AURKA: variants seen among roughly 807,000 people sequenced by gnomAD.
The protein encoded by AURKA is aurora 2.
AURKA carries 12 observed loss-of-function variants against 40.9 expected under a neutral mutation model. That is an observed-to-expected ratio of 0.29 (90% CI 0.19 to 0.48). AURKA has a LOEUF of 0.48. Ranked by LOEUF, AURKA falls within the 20% of genes least tolerant of loss-of-function variation. The probability of loss-of-function intolerance (pLI) is 0.99; values close to 1 mark genes in which losing one functional copy is unlikely to be tolerated. For missense variants in AURKA, 322 were observed against 462.1 expected (o/e 0.70, Z 2.78); for synonymous variants, 170 against 164.3 (o/e 1.03, Z -0.26).
In AURKA at chr20:56,369,802, C is replaced by A; in HGVS notation, c.*356G>T. On this transcript the variant is annotated 3_prime_UTR_variant, in exon 9 of 9. Coordinates refer to ENST00000395915, the MANE Select transcript of AURKA (RefSeq NM_198437.3). ...GTTATTGCACAGCTCCTTAACTGAT[C>A]GGGGTCAGGGCAGAGTGGTCACTTT... 1 of 463,772 alleles carries A rather than the reference C, an allele frequency of 2.2e-6. No individual in the cohort carries two copies. Among genetic ancestry groups the A allele is most frequent in the Non-Finnish European group, 4.0e-6 (1 of 250,778 alleles). 28.7% of individuals were successfully genotyped at this position (463,772 alleles called of 1,614,324 possible). A position where few individuals can be genotyped will look rare whatever the true frequency, so the allele number is the denominator to read the frequency against.
intron 6 of AURKA, among the ~76,000 whole-genome samples, chr20:56,378,702 A>G (rs1185395025): frequency 2.0e-5 from 3 of 152,194 alleles, no homozygotes; most frequent in Non-Finnish European, 2.9e-5. Flanking sequence ...TTTGTGATAA[A>G]CAGAAATGAA....
chr20:56,388,201 G>T lies in AURKA; in HGVS notation c.-4C>A, dbSNP rs776371411. The T allele has an allele frequency of 9.6e-7, 1 of 1,039,132 alleles. No individual in the cohort carries two copies. Among genetic ancestry groups the T allele is most frequent in the African/African-American group, 4.2e-5 (1 of 23,940 alleles). The allele number at this position is 1,039,132 out of a possible 1,614,324, so 64.4% of individuals were successfully genotyped here. ...AGTTTTCTTTAGATCGGTCCATGAT[G>T]CCTGAAAAGAAAAAGAAGAACCTTT... On this transcript the variant is annotated splice_region_variant and 5_prime_UTR_variant, in exon 2 of 9. Coordinates refer to ENST00000395915, the MANE Select transcript of AURKA (RefSeq NM_198437.3).
At chr20:56,388,517 A>G (rs111490777) in intron 1 of AURKA, 20,875 of 392,380 alleles carry the variant, frequency 0.053, 746 homozygotes, top group Non-Finnish European at 0.072. Context: ...CTACCTTAAA[A>G]AAGTCCTCTT....
chr20:56,377,383 T>A (rs1270006918), intron 6 of AURKA, among the ~76,000 whole-genome samples: 4 of 151,784 alleles, frequency 2.6e-5, no homozygotes, highest in Non-Finnish European at 5.9e-5. Flanking sequence ...ACAGATGACC[T>A]GCATCCAAAA....
intron 1 of AURKA, chr20:56,390,496 AG>A (rs1986949182): frequency 6.6e-6 from 1 of 152,022 alleles, no homozygotes; most frequent in Admixed American, 6.6e-5. Flanking sequence ...TAGTAGAGAC[AG>A]GGTTTCTCTA....
chr20:56,374,016 T>TACACACACAC (rs11467339), intron 6 of AURKA, among the ~76,000 whole-genome samples: 52 of 147,612 alleles, frequency 3.5e-4, no homozygotes, highest in Admixed American at 1.0e-3. Context: ...TATAGGAGTC[T>TACACACACAC]ACACACACAC....
At chr20:56,383,466 C>G (rs1985992891) in intron 4 of AURKA, among the ~76,000 whole-genome samples, 1 of 152,200 alleles carries the variant, frequency 6.6e-6, no homozygotes, top group Non-Finnish European at 1.5e-5. Flanking sequence ...CTCAGAGGAA[C>G]AGGGCCATGA....
intron 7 of AURKA, among the ~76,000 whole-genome samples, chr20:56,372,112 T>C (rs925412458): frequency 6.6e-6 from 1 of 152,226 alleles, no homozygotes; most frequent in African/African-American, 2.4e-5. Context: ...CTGTGTGGGT[T>C]CGTGTTGCTT....
At chr20:56,387,028 A>C (rs1460426796) in intron 2 of AURKA, among the ~76,000 whole-genome samples, 2 of 152,214 alleles carry the variant, frequency 1.3e-5, no homozygotes, top group Non-Finnish European at 2.9e-5. Context: ...TTTCCACAAT[A>C]AGCTTATTAC....
intron 6 of AURKA, among the ~76,000 whole-genome samples, chr20:56,376,210 G>GA (rs1390464985): frequency 6.6e-6 from 1 of 151,986 alleles, no homozygotes; most frequent in Non-Finnish European, 1.5e-5. Context: ...AGATTACCAG[G>GA]AAAAAAACCA....
intron 7 of AURKA, among the ~76,000 whole-genome samples, chr20:56,371,277 A>G (rs911143415): frequency 2.6e-5 from 4 of 152,122 alleles, no homozygotes; most frequent in African/African-American, 9.7e-5. Context: ...CCTGGCTAAC[A>G]TGGTGAAACG....
At chr20:56,371,202 C>T (rs1026423023) in intron 7 of AURKA, among the ~76,000 whole-genome samples, 2 of 152,114 alleles carry the variant, frequency 1.3e-5, no homozygotes, top group African/African-American at 4.8e-5. Flanking sequence ...GTGGCTCATG[C>T]CTGTAATGCC....
Position 56,384,896 on chromosome 20 carries a change from T to C in AURKA, c.320-572A>G, listed in dbSNP as rs1489302082. ...CTATTTCATCAGCCACAAGGACATA[T>C]GAAACATTTCCACTGGTCTGTCTCC... On this transcript the variant is annotated intron_variant, in intron 3 of 8. Coordinates refer to ENST00000395915, the MANE Select transcript of AURKA (RefSeq NM_198437.3). Among the ~76,000 whole-genome samples, 14 of 152,184 alleles carry C rather than the reference T, an allele frequency of 9.2e-5. No homozygotes were observed. The South Asian group carries it at 1.2e-3, about 14-fold the overall frequency.
chr20:56,386,219 A>G (rs1412926370), intron 3 of AURKA, 38 bp downstream of exon 3: 2 of 1,613,472 alleles, frequency 1.2e-6, no homozygotes, highest in South Asian at 1.1e-5. Context: ...AACGACGACA[A>G]AGAAGGACTA....
intron 2 of AURKA, among the ~76,000 whole-genome samples, chr20:56,387,659 A>C (rs977348139): frequency 3.3e-5 from 5 of 152,218 alleles, no homozygotes; most frequent in African/African-American, 1.2e-4. Flanking sequence ...GTGCTCTACA[A>C]AGAGAGGGTG....
At position 56,370,730 on chromosome 20, in the gene AURKA, A is replaced by G. The variant is rs1057337953; in HGVS notation, c.855-71T>C. 1.9e-6 allele frequency: 3 copies of G among 1,548,616 alleles called. No homozygotes were observed. In the Admixed American group the frequency reaches 5.3e-5, roughly 28 times the overall value. On this transcript the variant is annotated intron_variant, in intron 7 of 8. Coordinates refer to ENST00000395915, the MANE Select transcript of AURKA (RefSeq NM_198437.3). ...ATCACAACAGCTGCTAACAATCATT[A>G]AAGAGTCCACTAACACTGAGGTCTT...
chr20:56,373,382 C>G lies in AURKA; in HGVS notation c.854+26G>C, dbSNP rs1984524461. The stretch of plus-strand genomic sequence containing the variant: ...GCTCCCAGGGCTTTGGTAAACCAAA[C>G]AACTTCCACCTCTAAAGTTACATAC... On this transcript the variant is annotated intron_variant, in intron 7 of 8. Transcript: ENST00000395915. This position sits in a 1 kb window ranked among gnomAD's most constrained non-coding sequence, Gnocchi z 5.0. The G allele has an allele frequency of 6.2e-7, 1 of 1,612,448 alleles. No homozygotes were observed. The highest frequency in any genetic ancestry group is 1.7e-5 in the Admixed American group (1 of 59,998).
Position 56,369,833 on chromosome 20 carries a change from C to T in AURKA, c.*325G>A. 1 of 482,926 alleles carries T rather than the reference C, an allele frequency of 2.1e-6. No homozygotes were observed. Among genetic ancestry groups the T allele is most frequent in the Non-Finnish European group, 3.8e-6 (1 of 263,560 alleles). 29.9% of individuals were successfully genotyped at this position (482,926 alleles called of 1,614,324 possible). ...CAGGGCAGAGTGGTCACTTTCCCCA[C>T]AGCCAGGCTCTGGATTTGCCTCCTG... On this transcript the variant is annotated 3_prime_UTR_variant, in exon 9 of 9. Coordinates refer to ENST00000395915, the MANE Select transcript of AURKA (RefSeq NM_198437.3).
intron 7 of AURKA, 31 bp from the exon 8 acceptor site, chr20:56,370,690 G>T (rs1232435292): frequency 6.2e-7 from 1 of 1,612,834 alleles, no homozygotes; most frequent in African/African-American, 1.3e-5. Context: ...AGGTTGATGT[G>T]CTTCTCGTTT....
Sources: gnomAD v4.1 joint callset for allele counts (sites outside exome capture counted in the v4.1 genomes callset) on GRCh38, gnomAD v4.1.1 for gene constraint, Gnocchi (gnomAD v3.1) non-coding constraint, MANE v1.5 for transcripts, NCBI Gene and HGNC (gene_info 2026-07-23, HGNC 2026-07-21) for gene names.